The following GALNTL6 variants were observed in gnomAD, a reference collection of about 807,000 sequenced individuals.
GALNTL6 encodes the protein polypeptide N-acetylgalactosaminyltransferase like 6, also known as polypeptide N-acetylgalactosaminyltransferase-like 6.
In GALNTL6, 46 loss-of-function variants were observed where a neutral mutation model predicts 73.7. The observed-to-expected ratio is 0.62, with a 90% CI of 0.49 to 0.80. GALNTL6 has a LOEUF of 0.80. GALNTL6 is among the 30% of genes least tolerant of loss of function. GALNTL6 has a pLI of 0.00. For synonymous variants in GALNTL6, 259 were observed against 263.7 expected (o/e 0.98, Z 0.17); for missense variants, 604 against 755.0 (o/e 0.80, Z 2.34).
At chr4:172,812,057 GATGA>G (rs755092942) in intron 6 of GALNTL6, among the ~76,000 whole-genome samples, 1 of 147,954 alleles carries the variant, frequency 6.8e-6, no homozygotes, top group Non-Finnish European at 1.5e-5. Context: ...TGGATGGATG[GATGA>G]ACAGACAGAT....
chr4:171,869,465 G>C (rs1298543373), intron 2 of GALNTL6, among the ~76,000 whole-genome samples: 1 of 151,892 alleles, frequency 6.6e-6, no homozygotes, highest in Non-Finnish European at 1.5e-5. Flanking sequence ...TCCAATATTA[G>C]CTTAAATATT....
intron 5 of GALNTL6, chr4:172,667,490 T>C (rs756098287): frequency 6.6e-6 from 1 of 152,220 alleles, no homozygotes; most frequent in Non-Finnish European, 1.5e-5. Flanking sequence ...TGGGGATGAA[T>C]TCGCTTCCAG....
intron 8 of GALNTL6, among the ~76,000 whole-genome samples, chr4:172,919,190 A>C (rs1747673002): frequency 6.6e-6 from 1 of 152,162 alleles, no homozygotes; most frequent in African/African-American, 2.4e-5. Context: ...CCTCATTTTA[A>C]CTTAGAAGAA....
intron 2 of GALNTL6, among the ~76,000 whole-genome samples, chr4:171,968,843 G>C (rs1372014772): frequency 2.1e-5 from 3 of 144,306 alleles, no homozygotes; most frequent in Non-Finnish European, 4.4e-5. Context: ...GTGCGGGGTG[G>C]GGGGGGGGTT....
intron 5 of GALNTL6, among the ~76,000 whole-genome samples, chr4:172,762,029 T>C (rs1430058005): frequency 2.6e-5 from 4 of 152,160 alleles, no homozygotes; most frequent in Non-Finnish European, 5.9e-5. Flanking sequence ...CTGCGCCAGA[T>C]CAAAGAATGG....
At chr4:172,776,189 G>A (rs1217645439) in intron 5 of GALNTL6, among the ~76,000 whole-genome samples, 2 of 152,184 alleles carry the variant, frequency 1.3e-5, no homozygotes, top group Non-Finnish European at 2.9e-5. Flanking sequence ...GCAATGAAAC[G>A]CTAATGTAAG....
At chr4:172,474,919 A>G (rs1370605741) in intron 5 of GALNTL6, among the ~76,000 whole-genome samples, 1 of 152,306 alleles carries the variant, frequency 6.6e-6, no homozygotes, top group African/African-American at 2.4e-5. Context: ...TCTACCAAAT[A>G]AGCTTCCAAA....
chr4:172,257,732 G>T (rs1029551019), intron 3 of GALNTL6, among the ~76,000 whole-genome samples: 4 of 151,156 alleles, frequency 2.6e-5, no homozygotes, highest in Non-Finnish European at 5.9e-5. Context: ...AGGAAATTAG[G>T]TCTTTCATCT....
chr4:172,834,261 G>A (rs1742792360), intron 7 of GALNTL6, among the ~76,000 whole-genome samples: 1 of 152,224 alleles, frequency 6.6e-6, no homozygotes, highest in South Asian at 2.1e-4. Flanking sequence ...GGACTGGAAA[G>A]TAAAAGAAAC....
intron 3 of GALNTL6, among the ~76,000 whole-genome samples, chr4:172,290,477 C>T (rs1350909282): frequency 6.6e-6 from 1 of 152,052 alleles, no homozygotes; most frequent in Non-Finnish European, 1.5e-5. Context: ...TTGAATCTCA[C>T]CTAGCCCTTA....
chr4:172,691,370 C>T (rs1286876791), intron 5 of GALNTL6, among the ~76,000 whole-genome samples: 1 of 152,134 alleles, frequency 6.6e-6, no homozygotes, highest in Non-Finnish European at 1.5e-5. Context: ...AGCAGTACAC[C>T]TAATGATATA....
At chr4:172,317,352 A>C (rs1196505156) in intron 4 of GALNTL6, among the ~76,000 whole-genome samples, 1 of 152,180 alleles carries the variant, frequency 6.6e-6, no homozygotes, top group Non-Finnish European at 1.5e-5. Flanking sequence ...CGGGGATGCA[A>C]GTTTCTTCAG....
chr4:172,561,133 G>A (rs1419369171), intron 5 of GALNTL6, among the ~76,000 whole-genome samples: 1 of 151,298 alleles, frequency 6.6e-6, no homozygotes, highest in Non-Finnish European at 1.5e-5. Flanking sequence ...GGCGCCTGTA[G>A]TCCCAGCTAC....
intron 8 of GALNTL6, among the ~76,000 whole-genome samples, chr4:172,907,783 A>T (rs925911446): frequency 6.6e-6 from 1 of 152,180 alleles, no homozygotes; most frequent in African/African-American, 2.4e-5. Flanking sequence ...ACTAGCATGA[A>T]TTTCTTTTTC....
intron 10 of GALNTL6, among the ~76,000 whole-genome samples, chr4:173,008,837 T>G (rs1752413236): frequency 6.6e-6 from 1 of 152,168 alleles, no homozygotes; most frequent in East Asian, 1.9e-4. Context: ...GATTCTAACA[T>G]CAGAAATCCT....
chr4:172,543,219 AAC>A (rs926094663), intron 5 of GALNTL6, among the ~76,000 whole-genome samples: 1 of 152,238 alleles, frequency 6.6e-6, no homozygotes, highest in East Asian at 1.9e-4. Context: ...ATAGCCAGCA[AAC>A]ACAACCAATT....
At chr4:172,176,609 G>A (rs1735010507) in intron 2 of GALNTL6, among the ~76,000 whole-genome samples, 4 of 151,878 alleles carry the variant, frequency 2.6e-5, no homozygotes, top group Admixed American at 2.6e-4. Context: ...GGACAACATA[G>A]TGAGACTCTG....
intron 4 of GALNTL6, among the ~76,000 whole-genome samples, chr4:172,335,196 AATC>A (rs1403811009): frequency 2.6e-5 from 4 of 152,080 alleles, no homozygotes; most frequent in African/African-American, 4.8e-5. Flanking sequence ...TCTACCCACC[AATC>A]ATATGACTTT....
chr4:172,108,299 G>T (rs1732744413), intron 2 of GALNTL6, among the ~76,000 whole-genome samples: 1 of 152,128 alleles, frequency 6.6e-6, no homozygotes, highest in Non-Finnish European at 1.5e-5. Flanking sequence ...GCACTAGGTA[G>T]GGTTCTCTCT....
Sources: allele counts gnomAD v4.1 joint callset (sites outside exome capture counted in the v4.1 genomes callset), GRCh38; gene constraint gnomAD v4.1.1; transcripts MANE v1.5; gene names NCBI Gene and HGNC (gene_info 2026-07-23, HGNC 2026-07-21).